HDAC9: variants seen among roughly 807,000 people sequenced by gnomAD.
The protein encoded by HDAC9 is histone deacetylase 9, also known as MEF-2 interacting transcription repressor (MITR) protein.
In HDAC9, 41 loss-of-function variants were observed where a neutral mutation model predicts 139.4. The observed-to-expected ratio is 0.29, with a 90% CI of 0.23 to 0.38. The LOEUF (loss-of-function observed/expected upper bound fraction) is 0.38, where lower values mean the gene tolerates loss of function less well. Ranked by LOEUF, HDAC9 falls within the 10% of genes least tolerant of loss-of-function variation. The pLI, the probability that HDAC9 is intolerant of heterozygous loss-of-function variation, is 1.00. For missense variants in HDAC9, 1,147 were observed against 1,297.0 expected (o/e 0.88, Z 1.78); for synonymous variants, 517 against 476.2 (o/e 1.09, Z -1.12).
chr7:18,528,233 G>C (rs1807579875), intron 2 of HDAC9, among the ~76,000 whole-genome samples: 1 of 150,860 alleles, frequency 6.6e-6, no homozygotes, highest in South Asian at 2.1e-4. Context: ...GGGTGCTTCT[G>C]TAGAAGTTTT....
intron 2 of HDAC9, among the ~76,000 whole-genome samples, chr7:18,241,236 A>G (rs940039709): frequency 1.3e-5 from 2 of 152,218 alleles, no homozygotes; most frequent in African/African-American, 4.8e-5. Context: ...CACAAAACAA[A>G]GTATATACTG....
At chr7:18,242,202 A>G (rs302142) in intron 2 of HDAC9, among the ~76,000 whole-genome samples, 121,407 of 152,168 alleles carry the variant, frequency 0.8, 48,567 homozygotes, top group South Asian at 0.88. Flanking sequence ...GCCTCTGAGG[A>G]GCTTTCTGAA....
chr7:18,753,811 G>C (rs1182538708), intron 14 of HDAC9, among the ~76,000 whole-genome samples: 1 of 152,002 alleles, frequency 6.6e-6, no homozygotes, highest in African/African-American at 2.4e-5. Context: ...GCTGATCTTT[G>C]GTTTTCCTAT....
At chr7:18,368,397 G>A (rs907571660) in intron 1 of HDAC9, among the ~76,000 whole-genome samples, 8 of 151,822 alleles carry the variant, frequency 5.3e-5, no homozygotes, top group East Asian at 1.9e-4. Context: ...ACCGGTGATC[G>A]GCAGTGCCAC....
At chr7:18,590,955 A>C (rs920653947) in intron 4 of HDAC9, among the ~76,000 whole-genome samples, 3 of 152,242 alleles carry the variant, frequency 2.0e-5, no homozygotes, top group Non-Finnish European at 4.4e-5. Flanking sequence ...AGGGAGACAG[A>C]TCCAAATAAT....
intron 1 of HDAC9, among the ~76,000 whole-genome samples, chr7:18,323,403 T>C (rs766326985): frequency 4.6e-5 from 7 of 152,156 alleles, no homozygotes; most frequent in African/African-American, 1.4e-4. Flanking sequence ...CTCAACACTT[T>C]AGTGGAGAGT....
At chr7:18,510,062 T>G (rs1394650760) in intron 2 of HDAC9, among the ~76,000 whole-genome samples, 3 of 152,210 alleles carry the variant, frequency 2.0e-5, no homozygotes, top group Non-Finnish European at 4.4e-5. Flanking sequence ...TGAAGAAAAT[T>G]ACTCCTCAGT....
chr7:18,732,924 C>T lies in HDAC9; in HGVS notation c.1909+5167C>T, dbSNP rs1333313681. Among the ~76,000 whole-genome samples, 4 of 116,806 alleles carry T rather than the reference C, an allele frequency of 3.4e-5. No homozygotes were observed. The South Asian group carries it at 8.2e-4, about 24-fold the overall frequency. 76.6% of individuals were successfully genotyped at this position (116,806 alleles called of 152,430 possible). ...ACACGTGTGCGTATGTGTATACACA[C>T]GTGTGTATGTATGTGTATACACACG... On this transcript the variant is annotated intron_variant, in intron 13 of 25. Coordinates refer to ENST00000686413, the MANE Select transcript of HDAC9 (RefSeq NM_178425.4).
chr7:18,292,531 A>G (rs1001112343), intron 1 of HDAC9, among the ~76,000 whole-genome samples: 4 of 152,148 alleles, frequency 2.6e-5, no homozygotes, highest in African/African-American at 4.8e-5. Flanking sequence ...TTTGTCATAA[A>G]TTTTGACAAA....
chr7:18,972,402 A>G (rs528470616), intron 24 of HDAC9, among the ~76,000 whole-genome samples: 139 of 95,878 alleles, frequency 1.4e-3, no homozygotes, highest in Non-Finnish European at 2.2e-3. Context: ...TTTTTTTGAG[A>G]TGGAGTCTTG....
chr7:18,697,322 A>T (rs1355905831), intron 12 of HDAC9, among the ~76,000 whole-genome samples: 1 of 152,138 alleles, frequency 6.6e-6, no homozygotes, highest in Non-Finnish European at 1.5e-5. Context: ...ATTTTTTTTA[A>T]ATCAGGAATG....
At chr7:18,304,320 A>C (rs1798772044) in intron 1 of HDAC9, among the ~76,000 whole-genome samples, 1 of 152,244 alleles carries the variant, frequency 6.6e-6, no homozygotes, top group Non-Finnish European at 1.5e-5. Flanking sequence ...CCAAAGGTTT[A>C]GAGCTGGTAC....
chr7:18,261,111 C>T (rs377623717), intron 2 of HDAC9, among the ~76,000 whole-genome samples: 15 of 151,392 alleles, frequency 9.9e-5, no homozygotes, highest in East Asian at 7.8e-4. Flanking sequence ...GAGACCAGCC[C>T]GGGCAACATA....
At chr7:18,663,456 C>G (rs1297048889) in intron 11 of HDAC9, among the ~76,000 whole-genome samples, 1 of 151,964 alleles carries the variant, frequency 6.6e-6, no homozygotes, top group African/African-American at 2.4e-5. Flanking sequence ...CGCCCTCCCT[C>G]CCCCTCACCC....
At chr7:18,928,539 T>C (rs991377325) in intron 22 of HDAC9, among the ~76,000 whole-genome samples, 1 of 152,046 alleles carries the variant, frequency 6.6e-6, no homozygotes, top group African/African-American at 2.4e-5. Flanking sequence ...TACACTAGGC[T>C]ATTATTTGCT....
intron 1 of HDAC9, among the ~76,000 whole-genome samples, chr7:18,094,038 G>A (rs571557568): frequency 2.0e-5 from 3 of 152,066 alleles, no homozygotes; most frequent in Non-Finnish European, 1.5e-5. Context: ...GATTTCCCTG[G>A]GTATCTGAGC....
chr7:18,770,098 T>C (rs1364468759), intron 16 of HDAC9, among the ~76,000 whole-genome samples: 1 of 152,104 alleles, frequency 6.6e-6, no homozygotes, highest in Admixed American at 6.6e-5. Context: ...CTCATTAAAA[T>C]TTCCCCTAAA....
rs530799528 is a variant in HDAC9 at position 18,958,665 on chromosome 7, C to T, written c.3022+4435C>T. Among the ~76,000 whole-genome samples, 3 of 152,252 alleles carry T rather than the reference C, an allele frequency of 2.0e-5. No individual in the cohort carries two copies. The East Asian group carries it at 5.8e-4, about 30-fold the overall frequency. On this transcript the variant is annotated intron_variant, in intron 24 of 25. Coordinates refer to ENST00000686413, the MANE Select transcript of HDAC9 (RefSeq NM_178425.4). ...CAGTCTCTGGCATGTATTAGGTGCT[C>T]TGCAAATGTGTGTTGAATGAATGAA... is the stretch of plus-strand genomic sequence containing the variant.
At chr7:18,408,067 G>A (rs534389647) in intron 1 of HDAC9, among the ~76,000 whole-genome samples, 22 of 152,230 alleles carry the variant, frequency 1.4e-4, no homozygotes, top group African/African-American at 4.6e-4. Flanking sequence ...GATGATGTAT[G>A]TATAATGCTT....
Sources: gnomAD v4.1 joint callset for allele counts (sites outside exome capture counted in the v4.1 genomes callset) on GRCh38, gnomAD v4.1.1 for gene constraint, MANE v1.5 for transcripts, NCBI Gene and HGNC (gene_info 2026-07-23, HGNC 2026-07-21) for gene names.